The following KSR2 variants were observed in gnomAD, a reference collection of about 807,000 sequenced individuals.
KSR2 encodes the protein kinase suppressor of ras 2.
In KSR2, 25 loss-of-function variants were observed where a neutral mutation model predicts 107.8. The ratio of observed to expected loss-of-function variants is 0.23; its 90% CI spans 0.17 to 0.32. KSR2 has a LOEUF of 0.32. KSR2 is among the 10% of genes least tolerant of loss of function. The probability of loss-of-function intolerance (pLI) is 1.00; values close to 1 mark genes in which losing one functional copy is unlikely to be tolerated. For synonymous variants in KSR2, 480 were observed against 507.0 expected (o/e 0.95, Z 0.71); for missense variants, 887 against 1,268.9 (o/e 0.70, Z 4.57).
intron 4 of KSR2, among the ~76,000 whole-genome samples, chr12:117,684,977 G>T (rs980155131): frequency 1.3e-5 from 2 of 152,180 alleles, no homozygotes; most frequent in African/African-American, 4.8e-5. Context: ...TAGCCAAGGA[G>T]AATCAATCTT....
At chr12:117,794,256 CAT>C (rs763433811) in intron 3 of KSR2, among the ~76,000 whole-genome samples, 6,783 of 49,294 alleles carry the variant, frequency 0.14, 1,231 homozygotes, top group African/African-American at 0.25. Context: ...AACATGCACA[CAT>C]ACACCAACAT....
intron 4 of KSR2, among the ~76,000 whole-genome samples, chr12:117,726,770 A>G (rs549033591): frequency 6.6e-5 from 10 of 152,350 alleles, no homozygotes; most frequent in African/African-American, 2.4e-4. Flanking sequence ...ATAAAAACAC[A>G]TATGCTAGGA....
intron 5 of KSR2, among the ~76,000 whole-genome samples, chr12:117,582,712 C>T (rs914838045): frequency 2.6e-5 from 4 of 152,206 alleles, no homozygotes; most frequent in Non-Finnish European, 5.9e-5. Flanking sequence ...GGGTTGCTAG[C>T]GTCCTCACCT....
intron 1 of KSR2, among the ~76,000 whole-genome samples, chr12:117,924,527 G>A (rs1237011325): frequency 2.2e-5 from 3 of 137,524 alleles, no homozygotes; most frequent in Non-Finnish European, 4.6e-5. Context: ...AGCTGAGATC[G>A]TGTCATTGCA....
At chr12:117,588,196 A>G (rs1024069445) in intron 5 of KSR2, among the ~76,000 whole-genome samples, 2 of 152,178 alleles carry the variant, frequency 1.3e-5, no homozygotes, top group African/African-American at 4.8e-5. Context: ...GAGTATTTTT[A>G]CTTCCTTGGC....
intron 14 of KSR2, chr12:117,517,596 G>A (rs755135945): frequency 2.1e-5 from 7 of 337,014 alleles, no homozygotes; most frequent in Non-Finnish European, 3.5e-5. Flanking sequence ...TACATGAGAT[G>A]ATGCTGATAA....
At chr12:117,617,185 A>G (rs985061097) in intron 5 of KSR2, among the ~76,000 whole-genome samples, 5 of 152,164 alleles carry the variant, frequency 3.3e-5, no homozygotes, top group African/African-American at 1.2e-4. Flanking sequence ...ATCTCAATCA[A>G]AAAGACCTTT....
At chr12:117,819,675 T>C (rs1285537353) in intron 3 of KSR2, among the ~76,000 whole-genome samples, 2 of 152,178 alleles carry the variant, frequency 1.3e-5, no homozygotes, top group Admixed American at 1.3e-4. Flanking sequence ...AGAGTAGTAG[T>C]GTCAATAATA....
intron 5 of KSR2, among the ~76,000 whole-genome samples, chr12:117,638,753 A>C (rs1422402380): frequency 1.3e-5 from 2 of 152,116 alleles, no homozygotes; most frequent in African/African-American, 2.4e-5. Flanking sequence ...TCGATTTCTC[A>C]AGTTCAAATT....
At chr12:117,873,437 G>A (rs553846954) in intron 1 of KSR2, among the ~76,000 whole-genome samples, 11 of 144,260 alleles carry the variant, frequency 7.6e-5, no homozygotes, top group South Asian at 4.4e-4. Flanking sequence ...GGCCTCATTC[G>A]TTCATTTAAA....
chr12:117,708,826 C>A, intron 4 of KSR2, among the ~76,000 whole-genome samples: 1 of 152,214 alleles, frequency 6.6e-6, no homozygotes, highest in South Asian at 2.1e-4. Flanking sequence ...CAATCGTATT[C>A]ATCTCCTGTT....
intron 14 of KSR2, among the ~76,000 whole-genome samples, chr12:117,488,920 T>C (rs934031518): frequency 1.1e-4 from 17 of 152,082 alleles, no homozygotes; most frequent in Non-Finnish European, 2.9e-5. Context: ...ACCCAAATGT[T>C]CGTCAACAGA....
At chr12:117,470,193 TATCCATCC>T (rs60164511) in intron 18 of KSR2, among the ~76,000 whole-genome samples, 3,125 of 138,374 alleles carry the variant, frequency 0.023, 93 homozygotes, top group African/African-American at 0.065. Context: ...CATCTTTCAT[TATCCATCC>T]ATCCATCCAT....
intron 16 of KSR2, among the ~76,000 whole-genome samples, chr12:117,480,028 ATGTG>A (rs55877244): frequency 0.012 from 1,784 of 148,586 alleles, 31 homozygotes; most frequent in African/African-American, 0.039. Flanking sequence ...ACACATGTGT[ATGTG>A]TGTGTGTGTG....
intron 4 of KSR2, among the ~76,000 whole-genome samples, chr12:117,728,603 CTG>C (rs1172914099): frequency 1.3e-5 from 2 of 152,212 alleles, no homozygotes; most frequent in African/African-American, 4.8e-5. Flanking sequence ...ACTCAGAACT[CTG>C]TGTCTGGTGA....
At chr12:117,747,154 T>C (rs1400897612) in intron 4 of KSR2, among the ~76,000 whole-genome samples, 2 of 152,162 alleles carry the variant, frequency 1.3e-5, no homozygotes, top group Non-Finnish European at 2.9e-5. Context: ...GCAGCACTTT[T>C]CACAATAGCA....
chr12:117,906,073 G>A (rs185664409), intron 1 of KSR2, among the ~76,000 whole-genome samples: 18 of 152,190 alleles, frequency 1.2e-4, no homozygotes, highest in Admixed American at 4.6e-4. Flanking sequence ...CTTGCCAGCC[G>A]GGTACAGTGG....
At chr12:117,487,858 T>C (rs759354104) in intron 14 of KSR2, among the ~76,000 whole-genome samples, 12 of 152,204 alleles carry the variant, frequency 7.9e-5, no homozygotes, top group Non-Finnish European at 1.6e-4. Flanking sequence ...CAAGAGCTTC[T>C]GGAGAAACTA....
intron 3 of KSR2, among the ~76,000 whole-genome samples, chr12:117,794,842 G>C (rs1034115533): frequency 2.0e-5 from 2 of 102,244 alleles, no homozygotes; most frequent in African/African-American, 9.9e-5. Context: ...GAAAAGCCTC[G>C]CTACGACCCA....
Sources: allele counts gnomAD v4.1 joint callset (sites outside exome capture counted in the v4.1 genomes callset), GRCh38; gene constraint gnomAD v4.1.1; transcripts MANE v1.5; gene names NCBI Gene and HGNC (gene_info 2026-07-23, HGNC 2026-07-21).